Variants in EVC observed in about 807,000 individuals in gnomAD.
EVC encodes the protein evC complex member EVC.
A neutral mutation model predicts 118.9 loss-of-function variants in EVC; 116 were observed. That is an observed-to-expected ratio of 0.98 (90% confidence interval 0.84 to 1.14). The LOEUF (loss-of-function observed/expected upper bound fraction) is 1.14. Ranked by LOEUF, EVC falls within the 50% of genes most tolerant of loss-of-function variation. The probability of loss-of-function intolerance (pLI) is 0.00; values close to 1 mark genes in which losing one functional copy is unlikely to be tolerated. For missense variants in EVC, 1,401 were observed against 1,246.4 expected, an observed-to-expected ratio of 1.12 and a Z score of -1.87; for synonymous variants, 619 against 534.7, an observed-to-expected ratio of 1.16 and a Z score of -2.18.
intron 11 of EVC, among the ~76,000 whole-genome samples, chr4:5,778,632 T>C (rs1354132371): frequency 3.3e-5 from 5 of 152,204 alleles, no homozygotes; most frequent in African/African-American, 1.2e-4. Context: ...GCTGCATCAA[T>C]GTCTTCTTTT....
intron 2 of EVC, among the ~76,000 whole-genome samples, chr4:5,721,683 A>G (rs947202446): frequency 9.9e-5 from 15 of 152,182 alleles, no homozygotes; most frequent in African/African-American, 3.6e-4. Context: ...CCTGGCCAAC[A>G]TGGTGAAACC....
chr4:5,742,936 C>T lies in EVC; in HGVS notation c.801+1122C>T, dbSNP rs1728828922. 6.6e-6 allele frequency among the ~76,000 whole-genome samples: 1 copy of T among 152,172 alleles called. No individual in the cohort carries two copies. Among genetic ancestry groups the T allele is most frequent in the Non-Finnish European group, 1.5e-5 (1 of 68,046 alleles). ...AGGGCTAACCCGTAGGCAGTGTGCCCAGAGTTGGTAACATATGGATGCTTG... is the reference window on the plus strand; with the variant it reads ...AGGGCTAACCCGTAGGCAGTGTGCCTAGAGTTGGTAACATATGGATGCTTG... On this transcript the variant is annotated intron_variant, in intron 6 of 20. Coordinates refer to ENST00000264956, the MANE Select transcript of EVC (RefSeq NM_153717.3). The surrounding 1 kb of genome is among the most constrained non-coding windows in gnomAD (Gnocchi z 5.2).
rs531378078 is a variant in EVC at position 5,754,344 on chromosome 4, G to C, written c.1464+411G>C. On this transcript the variant is annotated intron_variant, in intron 10 of 20. Transcript: ENST00000264956. This position sits in a 1 kb window ranked among gnomAD's most constrained non-coding sequence, Gnocchi z 5.8. ...CCTTGTGGGTCGGCTGCAAGTCCAG[G>C]AGAAGGAAGGGAGTTCCCAGCCTTG... Among the ~76,000 whole-genome samples, 5 of 152,322 alleles carry C rather than the reference G, an allele frequency of 3.3e-5. No homozygotes were observed. Among genetic ancestry groups the C allele is most frequent in the African/African-American group, 1.2e-4 (5 of 41,568 alleles).
At chr4:5,815,884 G>A (rs1269646458), downstream of EVC, among the ~76,000 whole-genome samples, 1 of 152,168 alleles carries the variant, frequency 6.6e-6, no homozygotes. Flanking sequence ...AGGGAGGCCT[G>A]GGAATATTCC....
downstream of EVC, among the ~76,000 whole-genome samples, chr4:5,817,623 T>A (rs1426358965): frequency 6.6e-6 from 1 of 152,210 alleles, no homozygotes; most frequent in Non-Finnish European, 1.5e-5. Flanking sequence ...GTTTTTCACT[T>A]CATAAATGGA....
intron 13 of EVC, among the ~76,000 whole-genome samples, chr4:5,794,334 TTTATATACTTA>T (rs1560420050): frequency 3.4e-4 from 41 of 120,698 alleles, no homozygotes; most frequent in South Asian, 1.0e-3. Flanking sequence ...TTTATATATA[TTTATATACTTA>T]TATATATATT....
intron 11 of EVC, among the ~76,000 whole-genome samples, chr4:5,770,967 G>T (rs1023566792): frequency 6.6e-6 from 1 of 151,270 alleles, no homozygotes; most frequent in East Asian, 2.0e-4. Flanking sequence ...AGACGAGATC[G>T]CACCATTGCA....
At position 5,748,235 on chromosome 4, in the gene EVC, A is replaced by T. The variant is rs763807443; in HGVS notation, c.1027A>T (p.Met343Leu). The change falls in exon 8 of 21, where the codon ATG becomes TTG. Residue 343 changes from methionine to leucine, a missense_variant. Physicochemically the swap from Met to Leu is conservative, Grantham distance 15 (BLOSUM62 2). Transcript: ENST00000264956. ...TTCCAGCTCCAAAGCCCGACAGCTG[A>T]TGATGACTCTGACGGAAAGAATGAT... ...KCSSSKARQL[M>L]MTLTERMIAA... 6.2e-7 allele frequency: 1 copy of T among 1,614,022 alleles called. No individual in the cohort carries two copies. The highest frequency in any genetic ancestry group is 8.5e-7 in the Non-Finnish European group (1 of 1,179,904).
chr4:5,732,625 C>CTCT (rs1484068607), intron 4 of EVC, among the ~76,000 whole-genome samples: 3 of 152,258 alleles, frequency 2.0e-5, no homozygotes, highest in Admixed American at 1.3e-4. Flanking sequence ...GTCTGATTCT[C>CTCT]TCTTCCCTGA....
At position 5,754,017 on chromosome 4, in the gene EVC, A is replaced by G; in HGVS notation, c.1464+84A>G. ...TGACTGAGCACGGGACGCCGGAGGTATTCATCAGGCATGAGGTTATCTGCC... is the reference window on the plus strand; with the variant it reads ...TGACTGAGCACGGGACGCCGGAGGTGTTCATCAGGCATGAGGTTATCTGCC... On this transcript the variant is annotated intron_variant, in intron 10 of 20. Transcript: ENST00000264956. This position sits in a 1 kb window ranked among gnomAD's most constrained non-coding sequence, Gnocchi z 5.8. The G allele has an allele frequency of 6.4e-7, 1 of 1,566,328 alleles. No homozygotes were observed. The highest frequency in any genetic ancestry group is 1.1e-5 in the South Asian group (1 of 89,444).
At chr4:5,739,323 C>G (rs1728169971) in intron 5 of EVC, among the ~76,000 whole-genome samples, 1 of 152,146 alleles carries the variant, frequency 6.6e-6, no homozygotes, top group Non-Finnish European at 1.5e-5. Context: ...CCACTTTCTC[C>G]TTAGAGCTCA....
intron 11 of EVC, among the ~76,000 whole-genome samples, chr4:5,761,540 C>T (rs1168337666): frequency 6.6e-6 from 1 of 151,818 alleles, no homozygotes; most frequent in African/African-American, 2.4e-5. Flanking sequence ...ATGAGAGGAA[C>T]AGTTACACAC....
At chr4:5,734,772 T>C (rs925028145) in intron 5 of EVC, among the ~76,000 whole-genome samples, 1 of 152,174 alleles carries the variant, frequency 6.6e-6, no homozygotes, top group Non-Finnish European at 1.5e-5. Flanking sequence ...ACCGTAAATA[T>C]GCTAGAATTC....
chr4:5,727,947 C>A (rs925259932), intron 2 of EVC, among the ~76,000 whole-genome samples: 2 of 146,692 alleles, frequency 1.4e-5, no homozygotes, highest in Admixed American at 1.4e-4. Context: ...TGTTTTGGTA[C>A]AAGTACCATG....
intron 8 of EVC, among the ~76,000 whole-genome samples, chr4:5,752,393 C>A (rs1730517097): frequency 6.6e-6 from 1 of 152,146 alleles, no homozygotes; most frequent in Admixed American, 6.5e-5. Flanking sequence ...CGGCCGTCCT[C>A]AGCAGTCAGG....
chr4:5,757,111 G>A (rs1731292116), intron 11 of EVC, among the ~76,000 whole-genome samples: 1 of 152,192 alleles, frequency 6.6e-6, no homozygotes, highest in African/African-American at 2.4e-5. Context: ...CTGTGAAATG[G>A]GGACAGTCAT....
Position 5,754,048 on chromosome 4 carries a change from C to T in EVC, c.1464+115C>T. On this transcript the variant is annotated intron_variant, in intron 10 of 20. Transcript: ENST00000264956. This position sits in a 1 kb window ranked among gnomAD's most constrained non-coding sequence, Gnocchi z 5.8. ...CAGGCATGAGGTTATCTGCCTACTT[C>T]CCATGTGTCAGCCGAGTGACCGAAT... 3 of 1,359,450 alleles carry T rather than the reference C, an allele frequency of 2.2e-6. No homozygotes were observed. Among genetic ancestry groups the T allele is most frequent in the Non-Finnish European group, 1.0e-6 (1 of 961,986 alleles). 84.2% of individuals were successfully genotyped at this position (1,359,450 alleles called of 1,614,324 possible).
At chr4:5,777,776 C>T (rs1406717459) in intron 11 of EVC, among the ~76,000 whole-genome samples, 2 of 152,012 alleles carry the variant, frequency 1.3e-5, no homozygotes, top group African/African-American at 4.8e-5. Flanking sequence ...TCAGGGTTGG[C>T]GATGAGCTTA....
intron 2 of EVC, among the ~76,000 whole-genome samples, chr4:5,728,296 G>A (rs1258832902): frequency 6.6e-6 from 1 of 151,984 alleles, no homozygotes; most frequent in Non-Finnish European, 1.5e-5. Flanking sequence ...CACATCCCTT[G>A]TAAGTTGGAT....
Sources: gnomAD v4.1 joint callset for allele counts (sites outside exome capture counted in the v4.1 genomes callset) on GRCh38, gnomAD v4.1.1 for gene constraint, Gnocchi (gnomAD v3.1) non-coding constraint, MANE v1.5 for transcripts, NCBI Gene and HGNC (gene_info 2026-07-23, HGNC 2026-07-21) for gene names.